The following AP1G1 variants were observed in gnomAD, a reference collection of about 807,000 sequenced individuals.
AP1G1 encodes AP-1 complex subunit gamma-1.
AP1G1 carries 7 observed loss-of-function variants against 108.3 expected under a neutral mutation model. The ratio of observed to expected loss-of-function variants is 0.06; its 90% confidence interval spans 0.04 to 0.12. AP1G1 has a LOEUF of 0.12. Among genes scored for constraint, AP1G1 ranks in the 10% least tolerant of loss-of-function variants. The probability of loss-of-function intolerance (pLI) is 1.00; values close to 1 mark genes in which losing one functional copy is unlikely to be tolerated. For missense variants in AP1G1, 756 were observed against 1,010.7 expected (o/e 0.75, Z 3.42); for synonymous variants, 379 against 353.5 (o/e 1.07, Z -0.81).
In AP1G1 at chr16:71,781,613, A is replaced by C. The variant is rs559472250; in HGVS notation, c.202-7021T>G. On this transcript the variant is annotated intron_variant, in intron 2 of 22. Coordinates refer to ENST00000299980, the MANE Select transcript of AP1G1 (RefSeq NM_001128.6). ...AAACTTTAAACAAATATCAAACTGT[A>C]TTCCCGCTCTTTTCACTCAACAGCT... Among the ~76,000 whole-genome samples, 30 of 152,284 alleles carry C rather than the reference A, an allele frequency of 2.0e-4. No homozygotes were observed. The South Asian group carries it at 2.5e-3, about 13-fold the overall frequency.
At chr16:71,745,963 A>G (rs954197966) in intron 17 of AP1G1, among the ~76,000 whole-genome samples, 13 of 152,218 alleles carry the variant, frequency 8.5e-5, no homozygotes, top group African/African-American at 2.9e-4. Context: ...TAGAATGTTA[A>G]CAGTAAAAGA....
intron 1 of AP1G1, among the ~76,000 whole-genome samples, chr16:71,802,127 A>C (rs534703647): frequency 6.6e-6 from 1 of 152,294 alleles, no homozygotes; most frequent in Non-Finnish European, 1.5e-5. Context: ...TATATAAATG[A>C]TTATACAGTT....
chr16:71,734,508 T>TA (rs1314942262), intron 22 of AP1G1, 101 bp downstream of exon 22: 2 of 961,014 alleles, frequency 2.1e-6, no homozygotes, highest in African/African-American at 3.2e-5. Context: ...ATCTCTTCTC[T>TA]AACTATGAGT....
chr16:71,784,555 TA>T (rs1362922813), intron 2 of AP1G1, among the ~76,000 whole-genome samples: 2 of 152,144 alleles, frequency 1.3e-5, no homozygotes, highest in African/African-American at 2.4e-5. Context: ...AGGGCTAAGA[TA>T]TTTTTTTGTT....
At chr16:71,778,669 T>A (rs1467941653) in intron 2 of AP1G1, among the ~76,000 whole-genome samples, 4 of 135,458 alleles carry the variant, frequency 3.0e-5, no homozygotes, top group South Asian at 2.5e-4. Flanking sequence ...GGCAACAAAT[T>A]GAGATTCTGT....
At chr16:71,789,559 AT>A (rs1196612201) in intron 1 of AP1G1, 77 bp from the exon 2 acceptor site, 46 of 1,423,580 alleles carry the variant, frequency 3.2e-5, no homozygotes, top group Admixed American at 2.6e-4. Context: ...TCCCATTTAA[AT>A]TTTTGACTAG....
chr16:71,808,427 C>T, intron 1 of AP1G1: 1 of 1,162,740 alleles, frequency 8.6e-7, no homozygotes, highest in Non-Finnish European at 1.1e-6. Context: ...GGGGCCCGCC[C>T]CGCTAAACCC....
intron 1 of AP1G1, among the ~76,000 whole-genome samples, chr16:71,804,993 AGAGT>A (rs1462305638): frequency 6.6e-6 from 1 of 152,290 alleles, no homozygotes; most frequent in East Asian, 1.9e-4. Flanking sequence ...CCTGGGTGAA[AGAGT>A]GAGAACCTGT....
chr16:71,787,527 G>A (rs1393620250), intron 2 of AP1G1, among the ~76,000 whole-genome samples: 3 of 152,132 alleles, frequency 2.0e-5, no homozygotes, highest in South Asian at 4.1e-4. Context: ...ACTTCCTTGG[G>A]AATATGTAAA....
chr16:71,729,682 T>G lies in AP1G1; in HGVS notation c.*3376A>C, dbSNP rs2045460127. On this transcript the variant is annotated 3_prime_UTR_variant, in exon 23 of 23. Transcript: ENST00000299980. ...AAAAGTGTTTTAAACTTCAGGACTT[T>G]CTGTGCAATTCTCTCTCCAATGATC... is the stretch of plus-strand genomic sequence containing the variant. 6.6e-6 allele frequency: 1 copy of G among 152,638 alleles called. No homozygotes were observed. The highest frequency in any genetic ancestry group is 2.4e-5 in the African/African-American group (1 of 41,458). The allele number at this position is 152,638 out of a possible 1,614,324, so 9.5% of individuals were successfully genotyped here. A position where few individuals can be genotyped will look rare whatever the true frequency, so the allele number is the denominator to read the frequency against.
intron 2 of AP1G1, among the ~76,000 whole-genome samples, chr16:71,780,407 G>A (rs997612381): frequency 9.9e-5 from 15 of 150,992 alleles, no homozygotes; most frequent in African/African-American, 2.7e-4. Flanking sequence ...CACCAGGATC[G>A]CTTGAGCCTC....
At chr16:71,791,166 G>C (rs547085826) in intron 1 of AP1G1, among the ~76,000 whole-genome samples, 6 of 150,612 alleles carry the variant, frequency 4.0e-5, no homozygotes, top group Non-Finnish European at 8.8e-5. Flanking sequence ...ACTGCAGTGA[G>C]CCAAGATCAC....
chr16:71,773,344 C>G lies in AP1G1; in HGVS notation c.345G>C (p.Thr115=), dbSNP rs764608127. The G allele has an allele frequency of 2.6e-6, 4 of 1,544,848 alleles. No homozygotes were observed. In the East Asian group the frequency reaches 6.9e-5, roughly 27 times the overall value. Residue 115 remains threonine (T), a synonymous_variant, in exon 4 of 23, where the codon ACG becomes ACC. Transcript: ENST00000299980. The stretch of plus-strand genomic sequence containing the variant: ...AAAGTGCTAACCCCTGTACGAATTG[C>G]GTGCTATGATTAAGATCACTGCAAA... The part of the protein sequence containing the change: ...NCIKNDLNHS[T]QFVQGLALCT...
At chr16:71,778,835 C>T (rs895915045) in intron 2 of AP1G1, among the ~76,000 whole-genome samples, 11 of 152,110 alleles carry the variant, frequency 7.2e-5, no homozygotes, top group Non-Finnish European at 1.3e-4. Context: ...ATCTCCAAAT[C>T]TCCAAAAGCA....
intron 6 of AP1G1, among the ~76,000 whole-genome samples, chr16:71,767,128 T>C (rs2031349579): frequency 1.3e-5 from 2 of 152,218 alleles, no homozygotes; most frequent in South Asian, 4.1e-4. Context: ...TCATTTTTCC[T>C]TGGGCTACTA....
rs191604022 is a variant in AP1G1, at chr16:71,744,262, G to T, written c.1999+882C>A. On this transcript the variant is annotated intron_variant, in intron 19 of 22. Transcript: ENST00000299980. ...CCATCTCAAAATAAAAATAAAAGTT[G>T]TATTGGACTCGGGTTTATCATATTG... Among the ~76,000 whole-genome samples, 492 of 152,176 alleles carry T rather than the reference G, an allele frequency of 3.2e-3. 3 individuals are homozygous for T. Among genetic ancestry groups the T allele is most frequent in the African/African-American group, 0.011 (468 of 41,516 alleles).
At chr16:71,785,914 T>G (rs1049535878) in intron 2 of AP1G1, among the ~76,000 whole-genome samples, 1 of 152,014 alleles carries the variant, frequency 6.6e-6, no homozygotes, top group African/African-American at 2.4e-5. Context: ...TATTATACAC[T>G]AAATGAAAAT....
chr16:71,746,601 A>G lies in AP1G1; in HGVS notation c.1717T>C (p.Tyr573His). The G allele has an allele frequency of 6.2e-7, 1 of 1,608,280 alleles. No homozygotes were observed. Among genetic ancestry groups the G allele is most frequent in the Non-Finnish European group, 8.5e-7 (1 of 1,176,450 alleles). The change falls in exon 17 of 23, where the codon TAT becomes CAT. Residue 573 changes from tyrosine (Y) to histidine (H), a missense_variant. Tyr to His is a moderately conservative substitution (Grantham distance 83). This residue lies in a region of AP1G1 where 357 missense variants were observed against 366.5 expected (regional missense o/e 0.97). Transcript: ENST00000299980. ...TCTTTCGCTCACCTCATGTGGTCAT[A>G]TTTCTTGAAAAGTGCATTATATTCT... ...AVEYNALFKK[Y>H]DHMRSALLER...
At chr16:71,755,163 T>C (rs2030712841) in intron 12 of AP1G1, among the ~76,000 whole-genome samples, 1 of 152,152 alleles carries the variant, frequency 6.6e-6, no homozygotes, top group African/African-American at 2.4e-5. Context: ...TGGTGGCTGA[T>C]GCCTGTAATC....
Sources: gnomAD v4.1 joint callset for allele counts (sites outside exome capture counted in the v4.1 genomes callset) on GRCh38, gnomAD v4.1.1 for gene constraint, gnomAD v4.1.1 regional missense constraint, MANE v1.5 for transcripts, NCBI Gene and HGNC (gene_info 2026-07-23, HGNC 2026-07-21) for gene names.